The following NBAS variants were observed in gnomAD, a reference collection of about 807,000 sequenced individuals.
NBAS encodes NAG/BC035112 fusion.
NBAS carries 219 observed loss-of-function variants against 302.5 expected under a neutral mutation model. That is an observed-to-expected ratio of 0.72 (90% CI 0.65 to 0.81). The LOEUF (loss-of-function observed/expected upper bound fraction) is 0.81. Among genes scored for constraint, NBAS ranks in the 30% least tolerant of loss-of-function variants. The pLI, the probability that NBAS is intolerant of heterozygous loss-of-function variation, is 0.00. For missense variants in NBAS, 2,932 were observed against 2,841.6 expected, an observed-to-expected ratio of 1.03 and a Z score of -0.72; for synonymous variants, 1,118 against 1,021.6, an observed-to-expected ratio of 1.09 and a Z score of -1.80.
At chr2:15,456,789 A>G (rs981245857) in intron 21 of NBAS, among the ~76,000 whole-genome samples, 1 of 152,226 alleles carries the variant, frequency 6.6e-6, no homozygotes, top group Admixed American at 6.5e-5. Flanking sequence ...GGAAGAAAAT[A>G]AAGCAGAGAA....
the NBAS span, among the ~76,000 whole-genome samples, chr2:15,098,405 T>TATATTGTATATTGTATATTAC: frequency 1.7e-4 from 13 of 78,040 alleles, no homozygotes; most frequent in African/African-American, 4.8e-4. Flanking sequence ...TTATATATTA[T>TATATTGTATATTGTATATTAC]ATATGATATA....
the NBAS span, among the ~76,000 whole-genome samples, chr2:14,826,014 T>C: frequency 2.6e-5 from 4 of 152,336 alleles, no homozygotes; most frequent in Non-Finnish European, 5.9e-5. Flanking sequence ...CAAATAGGTT[T>C]GGCAATTAGT....
chr2:15,337,857 A>G (rs988565497), intron 35 of NBAS, among the ~76,000 whole-genome samples: 4 of 152,186 alleles, frequency 2.6e-5, no homozygotes, highest in African/African-American at 9.7e-5. Context: ...GTTAGGCAAA[A>G]CTTACCCCCG....
intron 49 of NBAS, among the ~76,000 whole-genome samples, chr2:15,189,985 G>A (rs1665270283): frequency 6.6e-6 from 1 of 152,140 alleles, no homozygotes; most frequent in African/African-American, 2.4e-5. Flanking sequence ...ATTTCCTGGT[G>A]AAAATACTGA....
At chr2:15,531,451 A>G (rs1294875126) in intron 9 of NBAS, among the ~76,000 whole-genome samples, 2 of 152,208 alleles carry the variant, frequency 1.3e-5, no homozygotes, top group African/African-American at 4.8e-5. Flanking sequence ...ATGATCAAAC[A>G]GCACACCTAA....
chr2:14,931,020 T>C, the NBAS span, among the ~76,000 whole-genome samples: 52,651 of 151,988 alleles, frequency 0.35, 9,342 homozygotes, highest in African/African-American at 0.43. Context: ...AGTTCTTAAT[T>C]CAGAGAAATG....
At chr2:14,942,041 C>T in the NBAS span, among the ~76,000 whole-genome samples, 23 of 152,254 alleles carry the variant, frequency 1.5e-4, no homozygotes, top group East Asian at 7.7e-4. Flanking sequence ...AATTGAGACA[C>T]GATGGTTCTA....
At chr2:14,850,967 A>G in the NBAS span, among the ~76,000 whole-genome samples, 8 of 136,978 alleles carry the variant, frequency 5.8e-5, no homozygotes, top group Non-Finnish European at 6.1e-5. Context: ...AATGCCCACA[A>G]GAGAAAGCAG....
intron 6 of NBAS, among the ~76,000 whole-genome samples, chr2:15,542,950 T>C (rs1446651517): frequency 6.6e-6 from 1 of 152,240 alleles, no homozygotes; most frequent in African/African-American, 2.4e-5. Context: ...TAGATAAAAA[T>C]ATTTTTTCAT....
At chr2:14,881,319 G>C in the NBAS span, among the ~76,000 whole-genome samples, 1 of 152,092 alleles carries the variant, frequency 6.6e-6, no homozygotes, top group African/African-American at 2.4e-5. Context: ...GGTACACATA[G>C]ACATAAAATC....
At chr2:15,460,018 T>C (rs1252427724) in intron 21 of NBAS, among the ~76,000 whole-genome samples, 1 of 87,496 alleles carries the variant, frequency 1.1e-5, no homozygotes. Context: ...AAGTGCCAAA[T>C]ACATAGTAAT....
chr2:14,938,062 A>G, the NBAS span, among the ~76,000 whole-genome samples: 2 of 152,260 alleles, frequency 1.3e-5, no homozygotes, highest in African/African-American at 4.8e-5. Context: ...TGGGAGGTGG[A>G]GGTTGCAGTG....
the NBAS span, among the ~76,000 whole-genome samples, chr2:14,779,731 T>C: frequency 1.3e-5 from 2 of 152,296 alleles, no homozygotes; most frequent in East Asian, 3.9e-4. Context: ...TACTATATAT[T>C]TGTTTGTTGT....
the NBAS span, among the ~76,000 whole-genome samples, chr2:15,064,385 C>T: frequency 1.3e-5 from 2 of 149,500 alleles, no homozygotes; most frequent in Admixed American, 6.6e-5. Context: ...CTACTATGAA[C>T]AATTAAACAT....
At chr2:15,543,311 T>C (rs2148697217) in intron 6 of NBAS, among the ~76,000 whole-genome samples, 1 of 152,340 alleles carries the variant, frequency 6.6e-6, no homozygotes, top group Admixed American at 6.5e-5. Context: ...TGGCTTTTTT[T>C]CATCTTTCAA....
At chr2:15,464,277 A>C (rs902665327) in intron 19 of NBAS, among the ~76,000 whole-genome samples, 1 of 152,140 alleles carries the variant, frequency 6.6e-6, no homozygotes, top group Non-Finnish European at 1.5e-5. Context: ...CCAGACTTCC[A>C]ACACACTATT....
At chr2:15,558,688 C>T in intron 1 of NBAS, 54 bp from the exon 2 acceptor site, 1 of 1,288,986 alleles carries the variant, frequency 7.8e-7, no homozygotes, top group East Asian at 2.4e-5. Context: ...AGTATTAGAC[C>T]AGTATTACTT....
the NBAS span, among the ~76,000 whole-genome samples, chr2:15,113,826 G>A: frequency 6.6e-6 from 1 of 151,686 alleles, no homozygotes; most frequent in Non-Finnish European, 1.5e-5. Flanking sequence ...AATTCTCTAT[G>A]TATGAGCATT....
At chr2:14,892,034 C>T in the NBAS span, among the ~76,000 whole-genome samples, 437 of 152,282 alleles carry the variant, frequency 2.9e-3, 1 homozygote, top group Admixed American at 4.3e-3. Flanking sequence ...CTGACTTTTC[C>T]TTCCACTGTT....
Sources: allele counts gnomAD v4.1 joint callset (sites outside exome capture counted in the v4.1 genomes callset), GRCh38; gene constraint gnomAD v4.1.1; transcripts MANE v1.5; gene names NCBI Gene and HGNC (gene_info 2026-07-23, HGNC 2026-07-21).